Variants in KCNG3 observed in about 807,000 individuals in gnomAD.
KCNG3 encodes potassium voltage-gated channel modifier subfamily G member 3, also known as voltage-gated potassium channel regulatory subunit KCNG3.
A neutral mutation model predicts 29.0 loss-of-function variants in KCNG3; 15 were observed. The ratio of observed to expected loss-of-function variants is 0.52; its 90% confidence interval spans 0.35 to 0.80. The LOEUF (loss-of-function observed/expected upper bound fraction) is 0.80. Among genes scored for constraint, KCNG3 ranks in the 30% least tolerant of loss-of-function variants. The pLI, the probability that KCNG3 is intolerant of heterozygous loss-of-function variation, is 0.01. For synonymous variants in KCNG3, 322 were observed against 248.9 expected (o/e 1.29, Z -2.76); for missense variants, 512 against 605.7 (o/e 0.85, Z 1.62).
intron 1 of KCNG3, among the ~76,000 whole-genome samples, chr2:42,484,998 G>T (rs1162612240): frequency 6.6e-6 from 1 of 152,070 alleles, no homozygotes; most frequent in Non-Finnish European, 1.5e-5. Flanking sequence ...TTCAAATACT[G>T]CTTTTTATTT....
intron 1 of KCNG3, among the ~76,000 whole-genome samples, chr2:42,479,663 A>G (rs1026201459): frequency 2.6e-5 from 4 of 151,558 alleles, no homozygotes; most frequent in Non-Finnish European, 5.9e-5. Context: ...AAAAAAAAGA[A>G]AGAAAAATAA....
At chr2:42,392,757 T>C in the KCNG3 span, among the ~76,000 whole-genome samples, 3 of 151,670 alleles carry the variant, frequency 2.0e-5, no homozygotes, top group Admixed American at 1.3e-4. Flanking sequence ...TGGCATCTCA[T>C]CGTCTGGACG....
intron 1 of KCNG3, among the ~76,000 whole-genome samples, chr2:42,462,604 C>T (rs80077625): frequency 1.3e-4 from 20 of 152,242 alleles, no homozygotes; most frequent in Middle Eastern, 3.4e-3. Flanking sequence ...ATCACTTGAA[C>T]CCACGAGGCA....
At chr2:42,439,652 A>T (rs200046152), downstream of KCNG3, among the ~76,000 whole-genome samples, 19 of 148,246 alleles carry the variant, frequency 1.3e-4, no homozygotes, top group Admixed American at 2.7e-4. Context: ...ATAAAAAAAA[A>T]TTTTTTTTTT....
chr2:42,443,978 A>G lies in KCNG3; in HGVS notation c.1267T>C (p.Ser423Pro). 1 of 1,614,154 alleles carries G rather than the reference A, an allele frequency of 6.2e-7. No individual in the cohort carries two copies. Among genetic ancestry groups the G allele is most frequent in the Non-Finnish European group, 8.5e-7 (1 of 1,180,014 alleles). Residue 423 changes from serine to proline, a missense_variant, in exon 2 of 2, where the codon TCT becomes CCT. By Grantham distance (74) the Ser-to-Pro change is moderately conservative (BLOSUM62 -1). Transcript: ENST00000306078. ...GAGAGGCTCCTACTATACCTAGCAG[A>G]TCTAAACTTGAGCTCATGATAACAC... ...VQCYHELKFRSARYSRSLSTE... is the reference protein window; with the variant it reads ...VQCYHELKFRPARYSRSLSTE...
At chr2:42,401,450 T>G in the KCNG3 span, among the ~76,000 whole-genome samples, 1 of 151,328 alleles carries the variant, frequency 6.6e-6, no homozygotes, top group South Asian at 2.1e-4. Flanking sequence ...TATACATATA[T>G]GTATTTTTGG....
At chr2:42,459,267 C>T (rs536081974) in intron 1 of KCNG3, among the ~76,000 whole-genome samples, 1 of 151,904 alleles carries the variant, frequency 6.6e-6, no homozygotes, top group African/African-American at 2.4e-5. Context: ...CCCCCAGATA[C>T]CCAGCCCCAT....
the KCNG3 span, among the ~76,000 whole-genome samples, chr2:42,428,370 A>C: frequency 6.6e-6 from 1 of 150,896 alleles, no homozygotes; most frequent in Non-Finnish European, 1.5e-5. Context: ...CTGAGGCAGG[A>C]GAATCCCCTG....
intron 1 of KCNG3, among the ~76,000 whole-genome samples, chr2:42,482,165 C>T (rs917322488): frequency 1.3e-5 from 2 of 152,200 alleles, no homozygotes; most frequent in Non-Finnish European, 2.9e-5. Context: ...TTATTCACTG[C>T]TATATCCCCA....
At chr2:42,400,251 C>CGGTT in the KCNG3 span, among the ~76,000 whole-genome samples, 1 of 152,166 alleles carries the variant, frequency 6.6e-6, no homozygotes, top group African/African-American at 2.4e-5. Context: ...CACAAGCAAC[C>CGGTT]ACTCACAATA....
the KCNG3 span, among the ~76,000 whole-genome samples, chr2:42,423,029 C>T: frequency 0.028 from 4,273 of 152,268 alleles, 96 homozygotes; most frequent in Middle Eastern, 0.092. Flanking sequence ...TTCCATCTTA[C>T]AAGCCAAGGA....
intron 1 of KCNG3, among the ~76,000 whole-genome samples, chr2:42,450,971 A>G (rs1276994865): frequency 2.0e-5 from 3 of 151,750 alleles, no homozygotes; most frequent in Admixed American, 1.3e-4. Flanking sequence ...TTGGGAGGCC[A>G]AGGCAGGTGG....
At chr2:42,482,508 A>T (rs1572864133) in intron 1 of KCNG3, among the ~76,000 whole-genome samples, 1 of 152,124 alleles carries the variant, frequency 6.6e-6, no homozygotes, top group Non-Finnish European at 1.5e-5. Flanking sequence ...GTGGATCACA[A>T]GGTCAGGAGT....
chr2:42,403,915 T>C, the KCNG3 span, among the ~76,000 whole-genome samples: 1 of 152,204 alleles, frequency 6.6e-6, no homozygotes, highest in Non-Finnish European at 1.5e-5. Flanking sequence ...ATTTATGTTC[T>C]TAAGATTGTA....
At chr2:42,411,186 G>T in the KCNG3 span, among the ~76,000 whole-genome samples, 4 of 152,120 alleles carry the variant, frequency 2.6e-5, no homozygotes, top group East Asian at 7.7e-4. Context: ...ATTTTTGAGG[G>T]CTAAGTGTTT....
the KCNG3 span, among the ~76,000 whole-genome samples, chr2:42,403,487 T>G: frequency 1.4e-5 from 2 of 146,404 alleles, no homozygotes; most frequent in Admixed American, 6.8e-5. Flanking sequence ...GTTTTTTTTT[T>G]TTTTTTTTTT....
intron 1 of KCNG3, among the ~76,000 whole-genome samples, chr2:42,481,001 G>A (rs1236598154): frequency 6.6e-6 from 1 of 152,048 alleles, no homozygotes; most frequent in Non-Finnish European, 1.5e-5. Flanking sequence ...AGCTGGTCTC[G>A]AACTCCTGAC....
chr2:42,407,394 T>C, the KCNG3 span, among the ~76,000 whole-genome samples: 1 of 152,138 alleles, frequency 6.6e-6, no homozygotes, highest in South Asian at 2.1e-4. Context: ...TCTCGAACTC[T>C]TGGACTCAAA....
Position 42,486,352 on chromosome 2 carries a change from C to G in KCNG3, c.665+6485G>C, listed in dbSNP as rs374349028. Reference sequence around the variant, plus strand: ...CACTGCTATTCCCTAAGATCAAGGTCCATATGCTCTCAGCTGCCAGGTCTC... The same window carrying G: ...CACTGCTATTCCCTAAGATCAAGGTGCATATGCTCTCAGCTGCCAGGTCTC... On this transcript the variant is annotated intron_variant, in intron 1 of 1. Transcript: ENST00000306078. Among the ~76,000 whole-genome samples the G allele has an allele frequency of 2.6e-4, 40 of 152,362 alleles. No individual in the cohort carries two copies. In the South Asian group the frequency reaches 7.7e-3, roughly 29 times the overall value.
Sources: gnomAD v4.1 joint callset for allele counts (sites outside exome capture counted in the v4.1 genomes callset) on GRCh38, gnomAD v4.1.1 for gene constraint, MANE v1.5 for transcripts, NCBI Gene and HGNC (gene_info 2026-07-23, HGNC 2026-07-21) for gene names.